Variants in CFAP20DC observed in about 807,000 individuals in gnomAD.
CFAP20DC encodes protein CFAP20DC.
CFAP20DC carries 84 observed loss-of-function variants against 101.7 expected under a neutral mutation model. The ratio of observed to expected loss-of-function variants is 0.83; its 90% CI spans 0.69 to 0.99. The LOEUF (loss-of-function observed/expected upper bound fraction) is 0.99, where lower values mean the gene tolerates loss of function less well. Ranked by LOEUF, CFAP20DC falls within the 50% of genes least tolerant of loss-of-function variation. The pLI, the probability that CFAP20DC is intolerant of heterozygous loss-of-function variation, is 0.00. For synonymous variants in CFAP20DC, 359 were observed against 351.2 expected (o/e 1.02, Z -0.25); for missense variants, 1,007 against 970.3 (o/e 1.04, Z -0.50).
chr3:59,028,174 T>C (rs2093925965), intron 4 of CFAP20DC, among the ~76,000 whole-genome samples: 1 of 152,198 alleles, frequency 6.6e-6, no homozygotes, highest in South Asian at 2.1e-4. Context: ...GAAACAACCT[T>C]ATCCACAGGC....
chr3:58,945,333 A>G (rs906461752), intron 4 of CFAP20DC, among the ~76,000 whole-genome samples: 9 of 152,174 alleles, frequency 5.9e-5, no homozygotes, highest in Non-Finnish European at 8.8e-5. Flanking sequence ...AAGATATTTA[A>G]TATCTAATGG....
chr3:58,890,850 C>T (rs1200507140), intron 6 of CFAP20DC, among the ~76,000 whole-genome samples: 1 of 149,762 alleles, frequency 6.7e-6, no homozygotes. Flanking sequence ...AGACGCTCCT[C>T]ACTTCCTAGA....
At chr3:58,758,050 G>A (rs2069126569) in intron 15 of CFAP20DC, among the ~76,000 whole-genome samples, 1 of 152,072 alleles carries the variant, frequency 6.6e-6, no homozygotes, top group African/African-American at 2.4e-5. Context: ...CCAAATTTAT[G>A]TATCTAGAAC....
At chr3:58,893,924 T>C (rs6780126) in intron 6 of CFAP20DC, among the ~76,000 whole-genome samples, 2,734 of 152,222 alleles carry the variant, frequency 0.018, 67 homozygotes, top group African/African-American at 0.061. Context: ...CTCACAATCA[T>C]GGTGGAAGGA....
At chr3:58,808,837 ACACATAGGCT>A (rs1351800003) in intron 14 of CFAP20DC, among the ~76,000 whole-genome samples, 1 of 152,218 alleles carries the variant, frequency 6.6e-6, no homozygotes, top group African/African-American at 2.4e-5. Context: ...ATGCAGAGAC[ACACATAGGCT>A]CAAAATAAGA....
intron 4 of CFAP20DC, among the ~76,000 whole-genome samples, chr3:59,036,898 T>C (rs1403552241): frequency 6.6e-6 from 1 of 152,104 alleles, no homozygotes; most frequent in Non-Finnish European, 1.5e-5. Context: ...AAGGCTACAG[T>C]AACCAAAACA....
chr3:58,743,059 A>G (rs1278476261), intron 16 of CFAP20DC, among the ~76,000 whole-genome samples: 1 of 152,206 alleles, frequency 6.6e-6, no homozygotes, highest in East Asian at 1.9e-4. Context: ...TAATAGAACT[A>G]TAAGATACAT....
chr3:58,829,725 T>C (rs2076270766), intron 14 of CFAP20DC, among the ~76,000 whole-genome samples: 1 of 152,178 alleles, frequency 6.6e-6, no homozygotes, highest in South Asian at 2.1e-4. Context: ...TCGAGTGGAA[T>C]AGATGTCATG....
chr3:58,826,738 C>G (rs541913732), intron 14 of CFAP20DC, among the ~76,000 whole-genome samples: 4 of 152,288 alleles, frequency 2.6e-5, no homozygotes, highest in Admixed American at 6.5e-5. Flanking sequence ...TGCTCCAACA[C>G]AGAAGGTATG....
chr3:58,962,518 A>G (rs1163216684), intron 4 of CFAP20DC, among the ~76,000 whole-genome samples: 1 of 152,166 alleles, frequency 6.6e-6, no homozygotes, highest in Non-Finnish European at 1.5e-5. Flanking sequence ...TTCTCTGTTC[A>G]GTATTTTTGT....
chr3:59,033,411 G>A (rs1391726505), intron 4 of CFAP20DC, among the ~76,000 whole-genome samples: 1 of 152,082 alleles, frequency 6.6e-6, no homozygotes, highest in African/African-American at 2.4e-5. Flanking sequence ...CAAGCTAAAG[G>A]AGCATGTTTC....
chr3:58,792,405 C>G (rs1263559789), intron 15 of CFAP20DC, among the ~76,000 whole-genome samples: 1 of 151,952 alleles, frequency 6.6e-6, no homozygotes, highest in East Asian at 1.9e-4. Flanking sequence ...ACTAAACAAC[C>G]CAAGCCTTAC....
At chr3:58,982,386 T>C (rs1046606917) in intron 4 of CFAP20DC, among the ~76,000 whole-genome samples, 1 of 151,972 alleles carries the variant, frequency 6.6e-6, no homozygotes. Context: ...ATTAGAAATC[T>C]TGCTGTTATA....
At chr3:58,781,332 T>A (rs1015264796) in intron 15 of CFAP20DC, among the ~76,000 whole-genome samples, 4 of 151,504 alleles carry the variant, frequency 2.6e-5, no homozygotes, top group Admixed American at 6.6e-5. Flanking sequence ...ATCAAAAAAG[T>A]AGCAAATAAA....
At position 58,962,419 on chromosome 3, in the gene CFAP20DC, C is replaced by T. The variant is rs148635324; in HGVS notation, c.279-24657G>A. Among the ~76,000 whole-genome samples the T allele has an allele frequency of 4.2e-4, 64 of 152,238 alleles. 1 individual carries two copies. The East Asian group carries it at 9.6e-3, about 23-fold the overall frequency. ...CAATCATTTTAAATTTATTGAAACT[C>T]GTTTCATGGCCTAGCATTAAGACTT... On this transcript the variant is annotated intron_variant, in intron 4 of 16. Coordinates refer to ENST00000482387, the MANE Select transcript of CFAP20DC (RefSeq NM_001394063.1).
In CFAP20DC at chr3:58,834,286, C is replaced by G. The variant is rs115058657; in HGVS notation, c.1972-2397G>C. On this transcript the variant is annotated intron_variant, in intron 13 of 16. Coordinates refer to ENST00000482387, the MANE Select transcript of CFAP20DC (RefSeq NM_001394063.1). ...GCTTGACTTTAGCTGCAGCAGTGAG[C>G]AAGTGACTTGCTGTTCTTCAGTTTT... 4.3e-3 allele frequency among the ~76,000 whole-genome samples: 652 copies of G among 152,264 alleles called. 6 individuals carry two copies. Among genetic ancestry groups the G allele is most frequent in the African/African-American group, 0.015 (616 of 41,550 alleles).
chr3:58,846,880 T>A (rs1315798661), intron 13 of CFAP20DC, among the ~76,000 whole-genome samples: 2 of 150,612 alleles, frequency 1.3e-5, no homozygotes, highest in African/African-American at 2.4e-5. Context: ...AATTATCTGA[T>A]CTTTGACAAA....
intron 3 of CFAP20DC, among the ~76,000 whole-genome samples, chr3:59,045,669 G>A (rs1332096410): frequency 2.6e-5 from 4 of 152,028 alleles, no homozygotes; most frequent in African/African-American, 4.8e-5. Context: ...ATGGGTCTTT[G>A]TTAAATCACA....
chr3:58,782,017 A>T (rs2071876929), intron 15 of CFAP20DC, among the ~76,000 whole-genome samples: 1 of 152,104 alleles, frequency 6.6e-6, no homozygotes, highest in Non-Finnish European at 1.5e-5. Context: ...ATAGATGCAA[A>T]AATTCTCAAC....
Sources: gnomAD v4.1 joint callset for allele counts (sites outside exome capture counted in the v4.1 genomes callset) on GRCh38, gnomAD v4.1.1 for gene constraint, MANE v1.5 for transcripts, NCBI Gene and HGNC (gene_info 2026-07-23, HGNC 2026-07-21) for gene names.